Variants in CYP2C18 observed in about 807,000 individuals in gnomAD.
CYP2C18 encodes cytochrome P450 2C18.
In CYP2C18, 38 loss-of-function variants were observed where a neutral mutation model predicts 41.3. The observed-to-expected ratio is 0.92, with a 90% CI of 0.71 to 1.21. The LOEUF is 1.21. Ranked by LOEUF, CYP2C18 falls within the 50% of genes most tolerant of loss-of-function variation. The pLI, the probability that CYP2C18 is intolerant of heterozygous loss-of-function variation, is 0.00. For missense variants in CYP2C18, 635 were observed against 591.4 expected (o/e 1.07, Z -0.77); for synonymous variants, 236 against 210.0 (o/e 1.12, Z -1.07).
rs568528448 is a variant in CYP2C18 at position 94,687,996 on chromosome 10, G to A, written c.331+64G>A. On this transcript the variant is annotated intron_variant, in intron 2 of 8. Coordinates refer to ENST00000285979, the MANE Select transcript of CYP2C18 (RefSeq NM_000772.3). ...TGTACTGGGCAGTGGCTATAGGGAT[G>A]GGGAGGATGGAAAACAGGCTTGAAG... is the stretch of plus-strand genomic sequence containing the variant. 1.3e-5 allele frequency: 20 copies of A among 1,595,856 alleles called. No homozygotes were observed. The East Asian group carries it at 1.6e-4, about 13-fold the overall frequency.
At chr10:94,717,043 C>T (rs1328991088) in intron 5 of CYP2C18, among the ~76,000 whole-genome samples, 1 of 152,092 alleles carries the variant, frequency 6.6e-6, no homozygotes, top group Non-Finnish European at 1.5e-5. Flanking sequence ...GGTAGATCTT[C>T]CTCCTTCCCT....
chr10:94,701,834 A>G lies in CYP2C18; in HGVS notation c.643-4950A>G, dbSNP rs183891605. ...AGAGAATGAGGTGGAGAGGAGAAGG[A>G]AGAGGATAGTTAGGAGAAGTCTGAA... On this transcript the variant is annotated intron_variant, in intron 4 of 8. Transcript: ENST00000285979. Among the ~76,000 whole-genome samples the G allele has an allele frequency of 3.4e-3, 521 of 152,238 alleles. 17 individuals are homozygous for G. The highest frequency in any genetic ancestry group is 0.03 in the Admixed American group (456 of 15,282).
chr10:94,711,844 A>G (rs574292843), intron 5 of CYP2C18, among the ~76,000 whole-genome samples: 34 of 150,906 alleles, frequency 2.3e-4, no homozygotes, highest in Admixed American at 4.6e-4. Context: ...TCTGAATTTT[A>G]TTCTTTTTTG....
chr10:94,712,375 A>G (rs761617090), intron 5 of CYP2C18, among the ~76,000 whole-genome samples: 5 of 150,006 alleles, frequency 3.3e-5, no homozygotes, highest in Non-Finnish European at 7.4e-5. Context: ...TCTGGCAATC[A>G]GCATTCTACT....
chr10:94,696,852 AT>A (rs1184192822), intron 4 of CYP2C18, among the ~76,000 whole-genome samples: 14 of 152,348 alleles, frequency 9.2e-5, no homozygotes, highest in African/African-American at 3.4e-4. Flanking sequence ...TCAGTAGCCG[AT>A]TTGATCAACT....
rs1847626973 is a variant in CYP2C18, at chr10:94,720,422, T to G, written c.846T>G (p.Phe282Leu). Residue 282 changes from phenylalanine (F) to leucine (L), a missense_variant, in exon 6 of 9, where the codon TTT becomes TTG. Physicochemically the swap from Phe to Leu is conservative, Grantham distance 22 (BLOSUM62 0). Coordinates refer to ENST00000285979, the MANE Select transcript of CYP2C18 (RefSeq NM_000772.3). ...EQEKHNQQSEFTVESLIATVT... is the reference protein window; with the variant it reads ...EQEKHNQQSELTVESLIATVT... Reference sequence around the variant, plus strand: ...AAAAGCACAATCAACAGTCTGAATTTACTGTTGAAAGCTTGATAGCCACTG... The same window carrying G: ...AAAAGCACAATCAACAGTCTGAATTGACTGTTGAAAGCTTGATAGCCACTG... 6.2e-7 allele frequency: 1 copy of G among 1,611,890 alleles called. No homozygotes were observed. Among genetic ancestry groups the G allele is most frequent in the African/African-American group, 1.3e-5 (1 of 74,978 alleles).
At chr10:94,735,242 C>A (rs560922711) in intron 8 of CYP2C18, 21 bp from the exon 9 acceptor site, 1 of 1,611,760 alleles carries the variant, frequency 6.2e-7, no homozygotes, top group Admixed American at 1.7e-5. Flanking sequence ...GGAACAAATC[C>A]CCTATGTCTC....
chr10:94,700,475 A>C (rs1847216011), intron 4 of CYP2C18, among the ~76,000 whole-genome samples: 1 of 152,238 alleles, frequency 6.6e-6, no homozygotes. Context: ...AGAACAATTC[A>C]AGATGGATTC....
intron 7 of CYP2C18, among the ~76,000 whole-genome samples, chr10:94,726,188 A>C (rs1340500273): frequency 7.1e-6 from 1 of 141,492 alleles, no homozygotes; most frequent in Non-Finnish European, 1.5e-5. Context: ...CAGTCAAAAA[A>C]AATTTTTTTT....
rs1052579630 is a variant in CYP2C18 at position 94,694,326 on chromosome 10, A to G, written c.482-591A>G. Reference sequence around the variant, plus strand: ...ACTTTTATTTTAGGCAAACCAATCTATCTTCTTATTTGTGTTAATTTGTGT... The same window carrying G: ...ACTTTTATTTTAGGCAAACCAATCTGTCTTCTTATTTGTGTTAATTTGTGT... On this transcript the variant is annotated intron_variant, in intron 3 of 8. Transcript: ENST00000285979. Among the ~76,000 whole-genome samples the G allele has an allele frequency of 3.9e-5, 6 of 152,192 alleles. No individual in the cohort carries two copies. The South Asian group carries it at 1.2e-3, about 32-fold the overall frequency.
At chr10:94,692,591 A>G (rs1481043290) in intron 3 of CYP2C18, among the ~76,000 whole-genome samples, 1 of 152,226 alleles carries the variant, frequency 6.6e-6, no homozygotes, top group Non-Finnish European at 1.5e-5. Context: ...AACTAGTTTA[A>G]CCATTGTGGA....
chr10:94,702,745 C>T (rs1847268506), intron 4 of CYP2C18, among the ~76,000 whole-genome samples: 1 of 152,054 alleles, frequency 6.6e-6, no homozygotes, highest in Non-Finnish European at 1.5e-5. Flanking sequence ...GTTTGTCAAA[C>T]TCATTCTCCA....
chr10:94,698,899 G>C (rs556902963), intron 4 of CYP2C18, among the ~76,000 whole-genome samples: 1 of 152,090 alleles, frequency 6.6e-6, no homozygotes, highest in Non-Finnish European at 1.5e-5. Context: ...TAAATTCCTC[G>C]ACACATACAC....
chr10:94,701,204 G>A (rs1465805507), intron 4 of CYP2C18, among the ~76,000 whole-genome samples: 1 of 152,108 alleles, frequency 6.6e-6, no homozygotes. Flanking sequence ...CAATAGCAAA[G>A]ACTTGGAACC....
At chr10:94,715,080 C>A (rs1416731052) in intron 5 of CYP2C18, among the ~76,000 whole-genome samples, 3 of 152,148 alleles carry the variant, frequency 2.0e-5, no homozygotes, top group Non-Finnish European at 4.4e-5. Flanking sequence ...AGATTTTGGG[C>A]TGAGGCAATG....
rs184571563 is a variant in CYP2C18 at position 94,706,922 on chromosome 10, C to G, written c.781C>G (p.Arg261Gly). Residue 261 changes from arginine (R) to glycine (G), a missense_variant, in exon 5 of 9, where the codon CGG becomes GGG. Transcript: ENST00000285979. ...HQESLDMNSA[R>G]DFIDCFLIKM... ...AGAATCCCTGGACATGAACAGTGCT[C>G]GGGACTTTATTGATTGTTTCCTGAT... 1.2e-6 allele frequency: 2 copies of G among 1,610,454 alleles called. No individual in the cohort carries two copies. The highest frequency in any genetic ancestry group is 2.7e-5 in the African/African-American group (2 of 74,636).
chr10:94,726,617 T>A (rs934916739), intron 7 of CYP2C18, among the ~76,000 whole-genome samples: 1 of 152,144 alleles, frequency 6.6e-6, no homozygotes, highest in African/African-American at 2.4e-5. Flanking sequence ...TGGTTCCAAG[T>A]CTTTGCTATT....
chr10:94,718,594 T>G (rs1847595407), intron 5 of CYP2C18, among the ~76,000 whole-genome samples: 1 of 152,130 alleles, frequency 6.6e-6, no homozygotes. Flanking sequence ...TATATGGACT[T>G]GTGTTGAGGC....
intron 7 of CYP2C18, among the ~76,000 whole-genome samples, chr10:94,724,960 C>T (rs993656424): frequency 2.0e-5 from 3 of 151,384 alleles, no homozygotes; most frequent in Non-Finnish European, 4.4e-5. Flanking sequence ...TTTATTTGGG[C>T]TTTCTTCTAT....
Sources: allele counts gnomAD v4.1 joint callset (sites outside exome capture counted in the v4.1 genomes callset), GRCh38; gene constraint gnomAD v4.1.1; transcripts MANE v1.5; gene names NCBI Gene and HGNC (gene_info 2026-07-23, HGNC 2026-07-21).